Variants in SERPINI2 observed in about 807,000 individuals in gnomAD.
SERPINI2 encodes serpin I2.
Under a neutral mutation model 47.3 loss-of-function variants are expected in SERPINI2, and 48 were observed. The observed-to-expected ratio is 1.02, with a 90% CI of 0.81 to 1.29. The LOEUF (loss-of-function observed/expected upper bound fraction) is 1.29. Ranked by LOEUF, SERPINI2 falls within the 50% of genes most tolerant of loss-of-function variation. The pLI, the probability that SERPINI2 is intolerant of heterozygous loss-of-function variation, is 0.00. For synonymous variants in SERPINI2, 135 were observed against 149.3 expected (o/e 0.90, Z 0.70); for missense variants, 448 against 456.9 (o/e 0.98, Z 0.18).
intron 5 of SERPINI2, among the ~76,000 whole-genome samples, chr3:167,463,022 A>G (rs762153796): frequency 4.6e-5 from 7 of 152,170 alleles, no homozygotes; most frequent in Non-Finnish European, 8.8e-5. Context: ...AAAATCTAGC[A>G]ATAAGTATCA....
At chr3:167,452,995 A>G in exon 6 of SERPINI2, 1 of 1,605,670 alleles carries the variant, frequency 6.2e-7, no homozygotes, top group Non-Finnish European at 8.5e-7. Context: ...CAAAGAATAC[A>G]AAACGTCTTT....
chr3:167,468,490 C>T (rs1313718774), intron 2 of SERPINI2, among the ~76,000 whole-genome samples: 1 of 152,090 alleles, frequency 6.6e-6, no homozygotes, highest in East Asian at 1.9e-4. Flanking sequence ...TCCCTACTTG[C>T]CTTTTTGGCC....
intron 5 of SERPINI2, among the ~76,000 whole-genome samples, 155 bp from the exon 6 acceptor site, chr3:167,453,188 G>A (rs1008059785): frequency 2.5e-4 from 38 of 151,836 alleles, no homozygotes; most frequent in African/African-American, 8.0e-4. Flanking sequence ...CATTTTCCCC[G>A]GCTCCAACAA....
At chr3:167,459,591 A>T (rs1749925538) in intron 5 of SERPINI2, among the ~76,000 whole-genome samples, 1 of 152,054 alleles carries the variant, frequency 6.6e-6, no homozygotes, top group South Asian at 2.1e-4. Context: ...GAGGGAAAGG[A>T]GAAGTATTTC....
chr3:167,471,901 C>A, intron 1 of SERPINI2, 57 bp from the exon 2 acceptor site: 2 of 1,373,968 alleles, frequency 1.5e-6, no homozygotes, highest in Non-Finnish European at 2.0e-6. Flanking sequence ...CCACAGAGAG[C>A]TCAACAGAAA....
intron 8 of SERPINI2, among the ~76,000 whole-genome samples, chr3:167,444,830 T>C (rs1403591424): frequency 6.6e-6 from 1 of 152,160 alleles, no homozygotes; most frequent in Non-Finnish European, 1.5e-5. Flanking sequence ...TTTTGAACTT[T>C]TGCTGCTGTT....
intron 2 of SERPINI2, among the ~76,000 whole-genome samples, chr3:167,468,962 C>T (rs370145419): frequency 1.3e-5 from 2 of 152,196 alleles, no homozygotes; most frequent in East Asian, 3.9e-4. Flanking sequence ...AGTTCCAAAT[C>T]ATTTGTCAAA....
At chr3:167,465,184 A>G (rs777813098) in intron 5 of SERPINI2, 22 bp downstream of exon 5, 83 of 1,583,808 alleles carry the variant, frequency 5.2e-5, no homozygotes, top group Non-Finnish European at 7.0e-5. Context: ...AAGAACTCGT[A>G]TAATAAAATA....
At chr3:167,467,391 C>T in intron 2 of SERPINI2, 106 bp from the exon 3 acceptor site, 1 of 703,366 alleles carries the variant, frequency 1.4e-6, no homozygotes, top group East Asian at 2.7e-5. Context: ...TTTTTTGCAC[C>T]CTTAGGTATA....
At chr3:167,475,782 C>T (rs555960704), upstream of SERPINI2, among the ~76,000 whole-genome samples, 3 of 150,660 alleles carry the variant, frequency 2.0e-5, no homozygotes, top group South Asian at 2.1e-4. Flanking sequence ...GAAGGTTGAT[C>T]GCCATTACTG....
At chr3:167,475,686 C>T (rs143623146), upstream of SERPINI2, among the ~76,000 whole-genome samples, 708 of 149,234 alleles carry the variant, frequency 4.7e-3, 3 homozygotes, top group African/African-American at 0.016. Context: ...TTTCCCAAAC[C>T]GCTTTTTTCT....
chr3:167,470,152 A>C (rs940699237), intron 2 of SERPINI2, among the ~76,000 whole-genome samples: 1 of 152,168 alleles, frequency 6.6e-6, no homozygotes, highest in Non-Finnish European at 1.5e-5. Flanking sequence ...TCAAAGCTAT[A>C]GCATGTGGTT....
intron 8 of SERPINI2, among the ~76,000 whole-genome samples, chr3:167,443,950 C>G (rs935255832): frequency 2.6e-5 from 4 of 152,010 alleles, no homozygotes; most frequent in Non-Finnish European, 5.9e-5. Flanking sequence ...TAAATAGGTA[C>G]CCCCATATTT....
chr3:167,467,009 T>C (rs769991569), intron 3 of SERPINI2, 46 bp downstream of exon 3: 6 of 1,402,130 alleles, frequency 4.3e-6, no homozygotes, highest in South Asian at 2.5e-5. Flanking sequence ...TTAAAAACCA[T>C]GAATACAATG....
intron 5 of SERPINI2, among the ~76,000 whole-genome samples, chr3:167,457,783 C>A (rs1194860712): frequency 6.6e-6 from 1 of 152,210 alleles, no homozygotes; most frequent in African/African-American, 2.4e-5. Flanking sequence ...GAAATAAACA[C>A]AAGGTACTAG....
intron 6 of SERPINI2, among the ~76,000 whole-genome samples, chr3:167,452,733 T>A (rs1028986633): frequency 2.0e-5 from 3 of 152,216 alleles, no homozygotes; most frequent in Non-Finnish European, 4.4e-5. Flanking sequence ...TCTAACATTC[T>A]AAAATGCTTT....
At chr3:167,444,269 G>T (rs1749407780) in intron 8 of SERPINI2, among the ~76,000 whole-genome samples, 1 of 152,054 alleles carries the variant, frequency 6.6e-6, no homozygotes. Flanking sequence ...CCTTAAAAAG[G>T]TGCTTTATTG....
At chr3:167,464,595 A>C (rs1381931067) in intron 5 of SERPINI2, among the ~76,000 whole-genome samples, 2 of 152,072 alleles carry the variant, frequency 1.3e-5, no homozygotes, top group South Asian at 2.1e-4. Flanking sequence ...CTCTTTTTAT[A>C]AGTTTGGGTA....
chr3:167,464,927 C>A (rs1210091406), intron 5 of SERPINI2, among the ~76,000 whole-genome samples: 3 of 151,996 alleles, frequency 2.0e-5, no homozygotes, highest in Non-Finnish European at 4.4e-5. Flanking sequence ...AATAAAAAGA[C>A]AATAATTCCT....
Sources: allele counts gnomAD v4.1 joint callset (sites outside exome capture counted in the v4.1 genomes callset), GRCh38; gene constraint gnomAD v4.1.1; transcripts MANE v1.5; gene names NCBI Gene and HGNC (gene_info 2026-07-23, HGNC 2026-07-21).